Variants in NEO1 observed in about 807,000 individuals in gnomAD.
The protein encoded by NEO1 is neogenin.
A neutral mutation model predicts 159.7 loss-of-function variants in NEO1; 63 were observed. The observed-to-expected ratio is 0.39, with a 90% confidence interval of 0.32 to 0.49. The LOEUF is 0.49. NEO1 is among the 20% of genes least tolerant of loss of function. The pLI is 0.85. For missense variants in NEO1, 1,615 were observed against 1,831.0 expected, an observed-to-expected ratio of 0.88 and a Z score of 2.15; for synonymous variants, 633 against 662.0, an observed-to-expected ratio of 0.96 and a Z score of 0.67.
In NEO1 at chr15:73,289,282, A is replaced by G. The variant is rs770693726; in HGVS notation, c.3742+44A>G. ...TTTCCTCAGTGCTACCAATCTGTTC[A>G]GTCATGTAGGGGAACAACTATGAAT... On this transcript the variant is annotated intron_variant, in intron 25 of 28. Transcript: ENST00000261908. 1.4e-5 allele frequency: 21 copies of G among 1,500,628 alleles called. No homozygotes were observed. In the East Asian group the frequency reaches 2.5e-4, roughly 18 times the overall value. The allele number at this position is 1,500,628 out of a possible 1,614,324, so 93.0% of individuals were successfully genotyped here.
chr15:73,120,693 A>T (rs1223175416), intron 2 of NEO1, among the ~76,000 whole-genome samples: 2 of 151,426 alleles, frequency 1.3e-5, no homozygotes, highest in Non-Finnish European at 2.9e-5. Flanking sequence ...GAAGAAACTG[A>T]GTCTTAGGGA....
intron 1 of NEO1, among the ~76,000 whole-genome samples, chr15:73,066,807 T>G (rs1252356078): frequency 6.6e-6 from 1 of 152,200 alleles, no homozygotes; most frequent in South Asian, 2.1e-4. Flanking sequence ...AAAGCTATGC[T>G]CATCTCAGCC....
Position 73,153,600 on chromosome 15 carries a change from G to A in NEO1, c.1015+17573G>A, listed in dbSNP as rs115934295. 8.6e-3 allele frequency among the ~76,000 whole-genome samples: 1,306 copies of A among 152,278 alleles called. 23 individuals are homozygous for A. Among genetic ancestry groups the A allele is most frequent in the African/African-American group, 0.03 (1,234 of 41,542 alleles). The stretch of plus-strand genomic sequence containing the variant: ...TAAGCAAGTTATATTGGCGAAAGTC[G>A]TTATTGTCAGCCCCTTATTCTGGGA... On this transcript the variant is annotated intron_variant, in intron 5 of 28. Transcript: ENST00000261908.
At chr15:73,215,091 T>A (rs1224321046) in intron 7 of NEO1, among the ~76,000 whole-genome samples, 1 of 152,196 alleles carries the variant, frequency 6.6e-6, no homozygotes, top group Non-Finnish European at 1.5e-5. Context: ...TTGCTGTTGA[T>A]GTATAGAAGA....
rs144865647 is a variant in NEO1 at position 73,298,402 on chromosome 15, C to G, written c.3956C>G (p.Thr1319Arg). Residue 1319 changes from threonine (T) to arginine (R), a missense_variant, in exon 27 of 29, where the codon ACA becomes AGA. By Grantham distance (71) the Thr-to-Arg change is moderately conservative. This residue lies in a region of NEO1 where 471 missense variants were observed against 498.9 expected (regional missense o/e 0.94). Transcript: ENST00000261908. The part of the protein sequence containing the change: ...TDTMPASSSQ[T>R]CCTDHQDPEG... ...ACCATGCCAGCCTCTTCGTCTCAAACATGCTGCACTGATCACCAGGACCCT... is the reference window on the plus strand; with the variant it reads ...ACCATGCCAGCCTCTTCGTCTCAAAGATGCTGCACTGATCACCAGGACCCT... The G allele has an allele frequency of 7.4e-4, 1,189 of 1,614,236 alleles. No homozygotes were observed. The highest frequency in any genetic ancestry group is 8.6e-4 in the Non-Finnish European group (1,019 of 1,180,036).
intron 1 of NEO1, among the ~76,000 whole-genome samples, chr15:73,109,205 G>A (rs1220720625): frequency 6.6e-6 from 1 of 152,162 alleles, no homozygotes; most frequent in Non-Finnish European, 1.5e-5. Flanking sequence ...GACTGTTAGC[G>A]ATTTTGGGGG....
intron 7 of NEO1, among the ~76,000 whole-genome samples, chr15:73,221,416 G>T (rs1354474121): frequency 2.6e-5 from 4 of 152,226 alleles, no homozygotes; most frequent in Admixed American, 6.5e-5. Flanking sequence ...CCCGTTCTCA[G>T]ATCTCCAGCT....
chr15:73,064,378 CTCTT>C (rs1421313502), intron 1 of NEO1, among the ~76,000 whole-genome samples: 2 of 152,178 alleles, frequency 1.3e-5, no homozygotes, highest in African/African-American at 2.4e-5. Flanking sequence ...TATTCTCTCT[CTCTT>C]TGTCTCTCTC....
At chr15:73,293,800 TG>T (rs1320109354) in intron 26 of NEO1, among the ~76,000 whole-genome samples, 1 of 152,236 alleles carries the variant, frequency 6.6e-6, no homozygotes, top group Non-Finnish European at 1.5e-5. Flanking sequence ...AAGCATCCCT[TG>T]TTCCATAAAC....
At chr15:73,278,043 T>G in intron 21 of NEO1, 88 bp from the exon 22 acceptor site, 1 of 1,169,070 alleles carries the variant, frequency 8.6e-7, no homozygotes, top group Non-Finnish European at 1.2e-6. Context: ...AAAAATTGTG[T>G]TTTTTGTTTA....
chr15:73,172,975 A>C (rs1172037079), intron 5 of NEO1, among the ~76,000 whole-genome samples: 1 of 152,226 alleles, frequency 6.6e-6, no homozygotes, highest in East Asian at 1.9e-4. Context: ...GGTGATATGC[A>C]ACTTTGGCAC....
At chr15:73,150,598 A>G (rs2033290698) in intron 5 of NEO1, among the ~76,000 whole-genome samples, 1 of 152,194 alleles carries the variant, frequency 6.6e-6, no homozygotes, top group Admixed American at 6.5e-5. Context: ...CATTCATATC[A>G]TTAGCTAAGC....
chr15:73,275,976 G>A (rs902699223), intron 21 of NEO1, among the ~76,000 whole-genome samples: 8 of 152,198 alleles, frequency 5.3e-5, no homozygotes, highest in African/African-American at 1.9e-4. Context: ...AAGTTTTCCA[G>A]AACACTTTGG....
rs1248797018 is a variant in NEO1, at chr15:73,122,775, T to C, written c.699T>C (p.Asp233=). The change falls in exon 3 of 29, where the codon GAT becomes GAC. Residue 233 remains aspartate, a synonymous_variant. Transcript: ENST00000261908. ...VESGGPPKYS[D]EVELKVLPDP... ...GTGGTGGGCCACCAAAGTATAGTGA[T>C]GAAGTTGAATTGAAGGTTCTTCCAG... The C allele has an allele frequency of 6.2e-7, 1 of 1,614,202 alleles. No homozygotes were observed. Among genetic ancestry groups the C allele is most frequent in the East Asian group, 2.2e-5 (1 of 44,884 alleles).
At chr15:73,107,061 CT>C (rs978971218) in intron 1 of NEO1, among the ~76,000 whole-genome samples, 2 of 152,144 alleles carry the variant, frequency 1.3e-5, no homozygotes, top group Non-Finnish European at 1.5e-5. Context: ...TTTTAGGAGA[CT>C]TTTAATTTCA....
At chr15:73,116,501 A>G in intron 1 of NEO1, 39 bp from the exon 2 acceptor site, 1 of 1,464,056 alleles carries the variant, frequency 6.8e-7, no homozygotes, top group Non-Finnish European at 9.0e-7. Context: ...AATAGAAGAG[A>G]GATTTGCTTA....
intron 7 of NEO1, among the ~76,000 whole-genome samples, chr15:73,181,431 A>G (rs755315091): frequency 1.3e-5 from 2 of 152,194 alleles, no homozygotes; most frequent in East Asian, 1.9e-4. Context: ...TTGCATTGCT[A>G]TAAAGAAATA....
At chr15:73,286,378 A>G (rs2041949302) in intron 23 of NEO1, among the ~76,000 whole-genome samples, 1 of 152,156 alleles carries the variant, frequency 6.6e-6, no homozygotes, top group African/African-American at 2.4e-5. Context: ...TGTATCCATG[A>G]CAGCATGTTT....
Position 73,270,389 on chromosome 15 carries a change from T to C in NEO1, c.2792T>C (p.Met931Thr), listed in dbSNP as rs1489636481. ...KPNTLYEFSV[M>T]VTKGRRSSTW... ...AATACACTCTATGAATTCTCTGTGA[T>C]GGTGACCAAAGGTCGAAGATCAAGT... is the stretch of plus-strand genomic sequence containing the variant. The change falls in exon 18 of 29, where the codon ATG becomes ACG. Residue 931 changes from methionine (M) to threonine (T), a missense_variant. This residue lies in a region of NEO1 where 126 missense variants were observed against 216.7 expected (regional missense o/e 0.58). Coordinates refer to ENST00000261908, the MANE Select transcript of NEO1 (RefSeq NM_002499.4). The C allele has an allele frequency of 6.2e-7, 1 of 1,614,088 alleles. No homozygotes were observed. The highest frequency in any genetic ancestry group is 1.7e-5 in the Admixed American group (1 of 60,004).
Sources: allele counts gnomAD v4.1 joint callset (sites outside exome capture counted in the v4.1 genomes callset), GRCh38; gene constraint gnomAD v4.1.1; regional missense constraint gnomAD v4.1.1; transcripts MANE v1.5; gene names NCBI Gene and HGNC (gene_info 2026-07-23, HGNC 2026-07-21).